Variants in RAB27B observed in about 807,000 individuals in gnomAD.
The protein encoded by RAB27B is RAB27B, member RAS oncogene family.
In RAB27B, 15 loss-of-function variants were observed where a neutral mutation model predicts 24.6. The observed-to-expected ratio is 0.61, with a 90% CI of 0.41 to 0.94. The LOEUF is 0.94. Ranked by LOEUF, RAB27B falls within the 40% of genes least tolerant of loss-of-function variation. RAB27B has a pLI of 0.00. For missense variants in RAB27B, 261 were observed against 266.8 expected (o/e 0.98, Z 0.15); for synonymous variants, 105 against 92.5 (o/e 1.14, Z -0.78).
intron 2 of RAB27B, among the ~76,000 whole-genome samples, chr18:54,798,323 C>T (rs1909488677): frequency 6.6e-6 from 1 of 152,236 alleles, no homozygotes; most frequent in South Asian, 2.1e-4. Flanking sequence ...GATCTGGTCA[C>T]AGAGTCATAG....
chr18:54,817,363 T>C (rs956749898), intron 2 of RAB27B, among the ~76,000 whole-genome samples: 3 of 152,192 alleles, frequency 2.0e-5, no homozygotes, highest in Non-Finnish European at 2.9e-5. Flanking sequence ...TTATTGATCT[T>C]ACCCTATCTG....
intron 2 of RAB27B, among the ~76,000 whole-genome samples, chr18:54,772,715 G>A (rs1482699003): frequency 6.6e-6 from 1 of 151,960 alleles, no homozygotes; most frequent in Non-Finnish European, 1.5e-5. Context: ...TGAATCTCTT[G>A]CATAATCAAT....
chr18:54,728,874 T>A, intron 2 of RAB27B, among the ~76,000 whole-genome samples: 1 of 1,036 alleles, frequency 9.7e-4, no homozygotes, highest in Non-Finnish European at 1.7e-3. Flanking sequence ...AGACTCTGTC[T>A]CAAAAAAAAA....
chr18:54,844,432 A>G (rs573253896), intron 1 of RAB27B, among the ~76,000 whole-genome samples: 9 of 90,778 alleles, frequency 9.9e-5, no homozygotes, highest in Middle Eastern at 6.9e-3. Flanking sequence ...TTTTTGATAC[A>G]GTCTTGCTCT....
Position 54,891,461 on chromosome 18 carries a change from A to G in RAB27B, c.*2048A>G, listed in dbSNP as rs1048608022. The G allele has an allele frequency of 6.6e-6, 1 of 152,112 alleles. No individual in the cohort carries two copies. Among genetic ancestry groups the G allele is most frequent in the Admixed American group, 6.6e-5 (1 of 15,234 alleles). 9.4% of individuals were successfully genotyped at this position (152,112 alleles called of 1,614,324 possible). ...CCATGAAGATAGAAAACTGTAAGCTAACATTTAAGATGTTTCTTCTGGAAG... is the reference window on the plus strand; with the variant it reads ...CCATGAAGATAGAAAACTGTAAGCTGACATTTAAGATGTTTCTTCTGGAAG... On this transcript the variant is annotated 3_prime_UTR_variant, in exon 6 of 6. Transcript: ENST00000262094.
At chr18:54,724,031 A>G (rs1047954689) in intron 2 of RAB27B, among the ~76,000 whole-genome samples, 3 of 143,906 alleles carry the variant, frequency 2.1e-5, no homozygotes, top group African/African-American at 7.5e-5. Flanking sequence ...TTTAGGGAAC[A>G]TACTTTTATA....
At chr18:54,860,093 G>C (rs1370045262) in intron 1 of RAB27B, among the ~76,000 whole-genome samples, 1 of 152,126 alleles carries the variant, frequency 6.6e-6, no homozygotes, top group Non-Finnish European at 1.5e-5. Flanking sequence ...CTTGTCAAAA[G>C]GGTTTTGTGG....
At chr18:54,719,324 A>T (rs1419820403) in intron 2 of RAB27B, among the ~76,000 whole-genome samples, 3 of 152,068 alleles carry the variant, frequency 2.0e-5, no homozygotes, top group Non-Finnish European at 4.4e-5. Context: ...AACACTCTTT[A>T]TTTGGTAAAC....
At chr18:54,769,458 TTG>T (rs753047545) in intron 2 of RAB27B, among the ~76,000 whole-genome samples, 74,078 of 144,972 alleles carry the variant, frequency 0.51, 19,939 homozygotes, top group Non-Finnish European at 0.61. Context: ...TGTTTTTTTG[TTG>T]TTGTTGTTGT....
At chr18:54,736,597 G>A (rs1012832963) in intron 2 of RAB27B, among the ~76,000 whole-genome samples, 1 of 152,156 alleles carries the variant, frequency 6.6e-6, no homozygotes, top group African/African-American at 2.4e-5. Flanking sequence ...TTAATAAATT[G>A]CATGAAGAAG....
intron 2 of RAB27B, among the ~76,000 whole-genome samples, chr18:54,807,355 G>A (rs1909823092): frequency 6.6e-6 from 1 of 152,204 alleles, no homozygotes; most frequent in South Asian, 2.1e-4. Flanking sequence ...TATGGGCACT[G>A]ACTTTGAGCA....
intron 1 of RAB27B, among the ~76,000 whole-genome samples, chr18:54,850,179 A>AG (rs952508585): frequency 9.9e-4 from 150 of 151,826 alleles, no homozygotes; most frequent in Non-Finnish European, 1.6e-3. Flanking sequence ...GTCTAAAAAA[A>AG]CATTTAACAG....
At chr18:54,888,222 C>G in intron 5 of RAB27B, 104 bp downstream of exon 5, 1 of 1,311,734 alleles carries the variant, frequency 7.6e-7, no homozygotes, top group Non-Finnish European at 1.0e-6. Flanking sequence ...TAACCAAGAA[C>G]AGCATGTGGA....
At chr18:54,831,079 C>T (rs369716899) in intron 1 of RAB27B, among the ~76,000 whole-genome samples, 1 of 152,082 alleles carries the variant, frequency 6.6e-6, no homozygotes, top group Non-Finnish European at 1.5e-5. Context: ...CCTAGATAAG[C>T]AGGGTGAGTC....
intron 2 of RAB27B, among the ~76,000 whole-genome samples, chr18:54,723,001 GAA>G (rs1909408686): frequency 6.6e-6 from 1 of 152,184 alleles, no homozygotes; most frequent in Non-Finnish European, 1.5e-5. Context: ...GTCTGGCATA[GAA>G]AAGAGGCATG....
At chr18:54,871,677 C>T (rs1383842784) in intron 1 of RAB27B, among the ~76,000 whole-genome samples, 3 of 151,744 alleles carry the variant, frequency 2.0e-5, no homozygotes, top group South Asian at 2.1e-4. Flanking sequence ...GGTGAAACCC[C>T]GTCTCTACTA....
intron 1 of RAB27B, among the ~76,000 whole-genome samples, chr18:54,868,623 T>TTGTTGTTG (rs58222992): frequency 1.8e-5 from 1 of 54,358 alleles, no homozygotes; most frequent in African/African-American, 5.1e-5. Flanking sequence ...GTTGTTGTTG[T>TTGTTGTTG]TTGTTTGTTT....
intron 1 of RAB27B, among the ~76,000 whole-genome samples, chr18:54,835,471 G>A (rs1910857346): frequency 6.6e-6 from 1 of 151,814 alleles, no homozygotes; most frequent in Admixed American, 6.6e-5. Context: ...ATCTTCCTAA[G>A]GTTTGTAATA....
At chr18:54,820,360 C>G (rs1225016207) in intron 2 of RAB27B, among the ~76,000 whole-genome samples, 1 of 152,230 alleles carries the variant, frequency 6.6e-6, no homozygotes, top group South Asian at 2.1e-4. Flanking sequence ...TTGCATTTCT[C>G]TGATGGCCAG....
Sources: gnomAD v4.1 joint callset for allele counts (sites outside exome capture counted in the v4.1 genomes callset) on GRCh38, gnomAD v4.1.1 for gene constraint, MANE v1.5 for transcripts, NCBI Gene and HGNC (gene_info 2026-07-23, HGNC 2026-07-21) for gene names.